Variants in SLC28A1 observed in about 807,000 individuals in gnomAD.
SLC28A1 encodes solute carrier family 28 member 1.
A neutral mutation model predicts 74.8 loss-of-function variants in SLC28A1; 64 were observed. The observed-to-expected ratio is 0.86, with a 90% CI of 0.70 to 1.05. The LOEUF (loss-of-function observed/expected upper bound fraction) is 1.05, where lower values mean the gene tolerates loss of function less well. SLC28A1 is among the 50% of genes least tolerant of loss of function. The pLI, the probability that SLC28A1 is intolerant of heterozygous loss-of-function variation, is 0.00. For synonymous variants in SLC28A1, 359 were observed against 335.0 expected, an observed-to-expected ratio of 1.07 and a Z score of -0.78; for missense variants, 828 against 822.8, an observed-to-expected ratio of 1.01 and a Z score of -0.08.
chr15:84,909,419 A>T (rs981093306), intron 9 of SLC28A1, among the ~76,000 whole-genome samples: 1 of 152,212 alleles, frequency 6.6e-6, no homozygotes, highest in African/African-American at 2.4e-5. Flanking sequence ...ATTATAGGGG[A>T]AATGGAGATA....
At chr15:84,894,305 G>C (rs1567120989) in intron 5 of SLC28A1, among the ~76,000 whole-genome samples, 1 of 150,558 alleles carries the variant, frequency 6.6e-6, no homozygotes, top group African/African-American at 2.5e-5. Flanking sequence ...CCAGGAGGCA[G>C]AGTTTGCAGT....
chr15:84,946,806 C>T (rs1217359511), downstream of SLC28A1, among the ~76,000 whole-genome samples: 1 of 152,124 alleles, frequency 6.6e-6, no homozygotes, highest in Non-Finnish European at 1.5e-5. Context: ...TTCTGGAGTT[C>T]CTATCACCAG....
chr15:84,935,550 G>GAA, intron 15 of SLC28A1, 32 bp downstream of exon 15: 1 of 1,583,524 alleles, frequency 6.3e-7, no homozygotes, highest in Non-Finnish European at 8.6e-7. Context: ...CTGCAGCAGG[G>GAA]GGATGACACG....
chr15:84,930,698 T>G (rs1167029643), intron 12 of SLC28A1, among the ~76,000 whole-genome samples: 1 of 146,900 alleles, frequency 6.8e-6, no homozygotes. Flanking sequence ...CTCTGCCTCC[T>G]GGGTTCTACC....
At chr15:84,912,053 C>A (rs1968335680) in intron 9 of SLC28A1, among the ~76,000 whole-genome samples, 1 of 152,152 alleles carries the variant, frequency 6.6e-6, no homozygotes, top group Non-Finnish European at 1.5e-5. Context: ...TGGACAAATT[C>A]CTGGACCGTG....
chr15:84,935,103 A>G lies in SLC28A1; in HGVS notation c.1292A>G (p.Asn431Ser). ...SVKVVANIAA[N>S]LIAFLAVLDF... ...AAGGTGGTCGCCAACATCGCTGCCA[A>G]CCTGATTGCGTTCCTGGCTGTGCTG... Residue 431 changes from asparagine to serine, a missense_variant, in exon 14 of 19, where the codon AAC (asparagine) becomes AGC (serine). Transcript: ENST00000394573. The G allele has an allele frequency of 2.0e-5, 33 of 1,614,010 alleles. 1 individual carries two copies. Among genetic ancestry groups the G allele is most frequent in the Non-Finnish European group, 2.8e-5 (33 of 1,179,938 alleles).
intron 5 of SLC28A1, among the ~76,000 whole-genome samples, chr15:84,891,487 G>A (rs1236632759): frequency 6.6e-6 from 1 of 152,230 alleles, no homozygotes; most frequent in East Asian, 1.9e-4. Context: ...CAGGCCATCT[G>A]AGGGAGAGAG....
chr15:84,937,066 A>G (rs1410805553), intron 15 of SLC28A1, among the ~76,000 whole-genome samples: 2 of 130,682 alleles, frequency 1.5e-5, no homozygotes, highest in Non-Finnish European at 3.3e-5. Flanking sequence ...AAAAAAAAAA[A>G]GGGAAAGCAA....
chr15:84,947,873 T>C (rs1036960540), downstream of SLC28A1, among the ~76,000 whole-genome samples: 4 of 152,178 alleles, frequency 2.6e-5, no homozygotes, highest in South Asian at 6.2e-4. Flanking sequence ...CAAATAGTAG[T>C]GTAAGCTATT....
intron 12 of SLC28A1, chr15:84,926,571 C>A (rs75114037): frequency 3.1e-5 from 14 of 453,434 alleles, no homozygotes; most frequent in Non-Finnish European, 5.7e-5. Context: ...GATATTCTCA[C>A]AAGTGTTCAA....
the SLC28A1 span, among the ~76,000 whole-genome samples, chr15:84,968,259 ATGGG>A: frequency 2.0e-5 from 3 of 152,096 alleles, no homozygotes; most frequent in African/African-American, 4.8e-5. Flanking sequence ...AGCTTGCTTG[ATGGG>A]TGTTGTGAGG....
At chr15:84,888,130 C>T (rs1335879558) in intron 3 of SLC28A1, among the ~76,000 whole-genome samples, 1 of 152,112 alleles carries the variant, frequency 6.6e-6, no homozygotes, top group Non-Finnish European at 1.5e-5. Flanking sequence ...AGGGCAGGCC[C>T]CAGTGAGGAA....
At chr15:84,925,847 A>G (rs1970448852) in intron 12 of SLC28A1, among the ~76,000 whole-genome samples, 1 of 152,046 alleles carries the variant, frequency 6.6e-6, no homozygotes, top group Non-Finnish European at 1.5e-5. Flanking sequence ...AAGATATTCA[A>G]GCTCACTGAT....
chr15:84,908,931 T>TA, intron 9 of SLC28A1, 136 bp downstream of exon 9: 15 of 743,372 alleles, frequency 2.0e-5, no homozygotes, highest in African/African-American at 6.8e-5. Flanking sequence ...ACTGGGAAGT[T>TA]AGTGAACCTT....
chr15:84,885,689 C>T (rs901684697), intron 1 of SLC28A1, among the ~76,000 whole-genome samples: 1 of 146,210 alleles, frequency 6.8e-6, no homozygotes, highest in Non-Finnish European at 1.5e-5. Flanking sequence ...CGAGCTCGCA[C>T]CACTGTACTC....
At chr15:84,895,663 T>A (rs1965920348) in intron 6 of SLC28A1, 1 of 1,422,222 alleles carries the variant, frequency 7.0e-7, no homozygotes, top group Non-Finnish European at 9.2e-7. Context: ...GGAGGGAAAA[T>A]TCAGACTTCC....
chr15:84,918,575 G>T lies in SLC28A1; in HGVS notation c.847G>T (p.Val283Leu). 1 of 1,613,784 alleles carries T rather than the reference G, an allele frequency of 6.2e-7. No homozygotes were observed. Among genetic ancestry groups the T allele is most frequent in the East Asian group, 2.2e-5 (1 of 44,878 alleles). ...CTGTGTCATATCCGTTCTCTACCACGTGGGCCTCATGCAGTGGGTGATCCT... is the reference window on the plus strand; with the variant it reads ...CTGTGTCATATCCGTTCTCTACCACTTGGGCCTCATGCAGTGGGTGATCCT... ...FSCVISVLYHVGLMQWVILKI... is the reference protein window; with the variant it reads ...FSCVISVLYHLGLMQWVILKI... Residue 283 changes from valine to leucine, a missense_variant, in exon 10 of 19, where the codon GTG becomes TTG. Val to Leu is a conservative substitution (Grantham distance 32). Around this residue, in one of 3 missense-constraint regions of SLC28A1, gnomAD observed 767 missense variants for 753.5 expected, o/e 1.02. Transcript: ENST00000394573.
chr15:84,899,056 G>A (rs998381078), intron 6 of SLC28A1, among the ~76,000 whole-genome samples: 1 of 152,110 alleles, frequency 6.6e-6, no homozygotes, highest in African/African-American at 2.4e-5. Context: ...CCACCCAAAA[G>A]GAGAAGAGGG....
At chr15:84,958,384 G>T in the SLC28A1 span, among the ~76,000 whole-genome samples, 3 of 152,018 alleles carry the variant, frequency 2.0e-5, no homozygotes, top group African/African-American at 7.3e-5. Flanking sequence ...TCTCTTTCTT[G>T]GGTTATTCCC....
Sources: allele counts gnomAD v4.1 joint callset (sites outside exome capture counted in the v4.1 genomes callset), GRCh38; gene constraint gnomAD v4.1.1; regional missense constraint gnomAD v4.1.1; transcripts MANE v1.5; gene names NCBI Gene and HGNC (gene_info 2026-07-23, HGNC 2026-07-21).